The following FAM81A variants were observed in gnomAD, a reference collection of about 807,000 sequenced individuals.
FAM81A encodes the protein protein FAM81A.
Under a neutral mutation model 46.7 loss-of-function variants are expected in FAM81A, and 19 were observed. The observed-to-expected ratio is 0.41, with a 90% CI of 0.28 to 0.60. The LOEUF (loss-of-function observed/expected upper bound fraction) is 0.60, where lower values mean the gene tolerates loss of function less well. FAM81A is among the 20% of genes least tolerant of loss of function. FAM81A has a pLI of 0.34. For missense variants in FAM81A, 377 were observed against 453.5 expected, an observed-to-expected ratio of 0.83 and a Z score of 1.53; for synonymous variants, 183 against 152.9, an observed-to-expected ratio of 1.20 and a Z score of -1.45.
intron 1 of FAM81A, among the ~76,000 whole-genome samples, chr15:59,453,594 A>G (rs2081445344): frequency 6.6e-6 from 1 of 152,160 alleles, no homozygotes; most frequent in Non-Finnish European, 1.5e-5. Context: ...AGAGAAAAAT[A>G]TGTTGGACTG....
intron 1 of FAM81A, among the ~76,000 whole-genome samples, chr15:59,441,218 T>C (rs892480959): frequency 6.6e-6 from 1 of 152,220 alleles, no homozygotes; most frequent in Non-Finnish European, 1.5e-5. Flanking sequence ...CCAGTGTCTT[T>C]GGTCCTTCCC....
rs536400753 is a variant in FAM81A, at chr15:59,408,722, C to T, written c.-78+6364C>T. On this transcript the variant is annotated intron_variant, in intron 2 of 4. Transcript: ENST00000558348. ...TGCGCACCTGTAATCCCAGCTACTCCGGAGGCTGAGGCAGGAGACTCTCTT... is the reference window on the plus strand; with the variant it reads ...TGCGCACCTGTAATCCCAGCTACTCTGGAGGCTGAGGCAGGAGACTCTCTT... Among the ~76,000 whole-genome samples the T allele has an allele frequency of 1.1e-4, 17 of 151,854 alleles. No homozygotes were observed. The East Asian group carries it at 1.4e-3, about 12-fold the overall frequency.
At chr15:59,458,710 A>T in intron 2 of FAM81A, 64 bp downstream of exon 2, 1 of 1,461,136 alleles carries the variant, frequency 6.8e-7, no homozygotes, top group Non-Finnish European at 9.6e-7. Flanking sequence ...TACAAATCAA[A>T]GCTTGGGCTG....
At chr15:59,454,114 T>G (rs1412598587) in intron 1 of FAM81A, among the ~76,000 whole-genome samples, 2 of 152,234 alleles carry the variant, frequency 1.3e-5, no homozygotes, top group African/African-American at 4.8e-5. Context: ...AACCTTCCAC[T>G]GTTCCTGCCC....
chr15:59,424,478 A>C (rs908526248), intron 2 of FAM81A, among the ~76,000 whole-genome samples: 2 of 152,128 alleles, frequency 1.3e-5, no homozygotes, highest in African/African-American at 4.8e-5. Context: ...CTTCTGCTCA[A>C]ATTCTCCCCA....
chr15:59,491,702 T>C (rs796847131), intron 3 of FAM81A, among the ~76,000 whole-genome samples: 3 of 152,306 alleles, frequency 2.0e-5, no homozygotes, highest in African/African-American at 7.2e-5. Flanking sequence ...CCCAGCACTT[T>C]GGGAGGCCAA....
Position 59,510,884 on chromosome 15 carries a change from G to A in FAM81A, c.650+1915G>A, listed in dbSNP as rs185231295. Among the ~76,000 whole-genome samples the A allele has an allele frequency of 1.7e-4, 26 of 150,024 alleles. No homozygotes were observed. The East Asian group carries it at 2.0e-3, about 12-fold the overall frequency. On this transcript the variant is annotated intron_variant, in intron 6 of 8. Transcript: ENST00000288228. ...CCTTCATGGCTGGATGTGGTGGTTC[G>A]CGCCCATAATCCCAGCACTTTGGAA...
chr15:59,454,205 AATGCTTTGCCTATTTTTT>A (rs2081454686), intron 1 of FAM81A, among the ~76,000 whole-genome samples: 1 of 152,216 alleles, frequency 6.6e-6, no homozygotes, highest in East Asian at 1.9e-4. Flanking sequence ...TTTATTCATA[AATGCTTTGCCTATTTTTT>A]ATTCTGATGG....
intron 1 of FAM81A, among the ~76,000 whole-genome samples, chr15:59,450,811 G>A (rs8029746): frequency 0.79 from 120,577 of 152,206 alleles, 48,149 homozygotes; most frequent in African/African-American, 0.89. Context: ...AGATTATAAA[G>A]TAAATATTCT....
chr15:59,420,122 T>C (rs1186860721), intron 2 of FAM81A, among the ~76,000 whole-genome samples: 7 of 152,328 alleles, frequency 4.6e-5, no homozygotes, highest in Admixed American at 4.6e-4. Context: ...AATGACTCTT[T>C]AGGGACTGCC....
intron 3 of FAM81A, among the ~76,000 whole-genome samples, chr15:59,469,486 A>T (rs149756036): frequency 6.7e-6 from 1 of 149,874 alleles, no homozygotes; most frequent in East Asian, 2.0e-4. Context: ...GTCTCTTTTG[A>T]TCTTTGTTGG....
At chr15:59,496,516 A>T (rs2082035674) in intron 4 of FAM81A, among the ~76,000 whole-genome samples, 1 of 152,184 alleles carries the variant, frequency 6.6e-6, no homozygotes, top group Non-Finnish European at 1.5e-5. Context: ...GAAGCAGGAG[A>T]ATCACTTGAA....
intron 2 of FAM81A, among the ~76,000 whole-genome samples, chr15:59,411,948 T>G: frequency 6.7e-6 from 1 of 149,660 alleles, no homozygotes; most frequent in African/African-American, 2.5e-5. Context: ...TGCCCTGGGG[T>G]GGAACCTGCT....
intron 4 of FAM81A, 127 bp from the exon 5 acceptor site, chr15:59,507,086 C>G: frequency 8.1e-7 from 1 of 1,228,238 alleles, no homozygotes; most frequent in South Asian, 1.6e-5. Flanking sequence ...ATTTGAACCT[C>G]TGTTCAAAAG....
chr15:59,418,512 T>G (rs1388565441), intron 2 of FAM81A, among the ~76,000 whole-genome samples: 3 of 152,210 alleles, frequency 2.0e-5, no homozygotes, highest in Non-Finnish European at 4.4e-5. Flanking sequence ...TAGAATCTGG[T>G]CTAATCAATA....
intron 1 of FAM81A, chr15:59,438,488 C>A (rs2081260858): frequency 1.3e-5 from 2 of 152,290 alleles, no homozygotes. Context: ...CAGAGCGCAA[C>A]TGGCGTTGCA....
chr15:59,398,633 C>A (rs1170822131), intron 1 of FAM81A, among the ~76,000 whole-genome samples: 1 of 151,812 alleles, frequency 6.6e-6, no homozygotes, highest in Admixed American at 6.6e-5. Flanking sequence ...TGGCACATGC[C>A]TGTAGTCCCA....
intron 2 of FAM81A, among the ~76,000 whole-genome samples, chr15:59,418,644 C>T (rs575209584): frequency 9.6e-4 from 146 of 152,240 alleles, no homozygotes; most frequent in African/African-American, 3.2e-3. Flanking sequence ...TAGGAAAAAC[C>T]GTAAAGGGCG....
At chr15:59,436,396 G>A (rs1007698005), upstream of FAM81A, among the ~76,000 whole-genome samples, 10 of 151,928 alleles carry the variant, frequency 6.6e-5, no homozygotes, top group Admixed American at 2.6e-4. Context: ...TCAAGTAGTA[G>A]AGGGAGTAGG....
Sources: gnomAD v4.1 joint callset for allele counts (sites outside exome capture counted in the v4.1 genomes callset) on GRCh38, gnomAD v4.1.1 for gene constraint, MANE v1.5 for transcripts, NCBI Gene and HGNC (gene_info 2026-07-23, HGNC 2026-07-21) for gene names.